Variants in LPP observed in about 807,000 individuals in gnomAD.
LPP encodes LIM domain containing preferred translocation partner in lipoma.
Under a neutral mutation model 60.4 loss-of-function variants are expected in LPP, and 38 were observed. The observed-to-expected ratio is 0.63, with a 90% confidence interval of 0.49 to 0.83. LPP has a LOEUF of 0.83. LPP is among the 40% of genes least tolerant of loss of function. LPP has a pLI of 0.00. For synonymous variants in LPP, 328 were observed against 290.8 expected, an observed-to-expected ratio of 1.13 and a Z score of -1.30; for missense variants, 902 against 783.6, an observed-to-expected ratio of 1.15 and a Z score of -1.80.
intron 8 of LPP, among the ~76,000 whole-genome samples, chr3:188,739,100 A>G (rs1377289286): frequency 6.6e-6 from 1 of 152,142 alleles, no homozygotes; most frequent in African/African-American, 2.4e-5. Context: ...ATGAATTAAC[A>G]TGATTGCTTG....
At chr3:188,546,156 A>G (rs1826601222) in intron 6 of LPP, among the ~76,000 whole-genome samples, 3 of 152,190 alleles carry the variant, frequency 2.0e-5, no homozygotes, top group Admixed American at 2.0e-4. Flanking sequence ...ACCAAGTTAT[A>G]AAGATGGTAA....
intron 9 of LPP, among the ~76,000 whole-genome samples, chr3:188,809,042 A>G (rs1206355407): frequency 1.3e-5 from 2 of 152,156 alleles, no homozygotes; most frequent in Non-Finnish European, 2.9e-5. Context: ...ATAGTATTCC[A>G]TGGTGTACAT....
chr3:188,800,421 AT>A (rs1283620751), intron 9 of LPP, among the ~76,000 whole-genome samples: 1 of 151,058 alleles, frequency 6.6e-6, no homozygotes, highest in Non-Finnish European at 1.5e-5. Flanking sequence ...AATTTTTTGT[AT>A]TTTTAGTAGA....
At chr3:188,802,991 A>G (rs1050987312) in intron 9 of LPP, among the ~76,000 whole-genome samples, 3 of 150,366 alleles carry the variant, frequency 2.0e-5, no homozygotes, top group Non-Finnish European at 2.9e-5. Context: ...AGTGATCACT[A>G]TCCTGACTTA....
chr3:188,446,587 C>T (rs1795283812), intron 4 of LPP, among the ~76,000 whole-genome samples: 1 of 152,014 alleles, frequency 6.6e-6, no homozygotes, highest in African/African-American at 2.4e-5. Context: ...AACTCATTTC[C>T]CCAAATTTCC....
chr3:188,856,780 G>A (rs1006316737), intron 9 of LPP, among the ~76,000 whole-genome samples: 5 of 152,134 alleles, frequency 3.3e-5, no homozygotes, highest in African/African-American at 1.2e-4. Context: ...CTGATAGTAG[G>A]AATTATGAAA....
At chr3:188,839,958 C>T (rs530813661) in intron 9 of LPP, among the ~76,000 whole-genome samples, 3 of 152,240 alleles carry the variant, frequency 2.0e-5, no homozygotes, top group African/African-American at 7.2e-5. Context: ...TTATTATCCA[C>T]AAATAATAAA....
chr3:188,513,174 T>C (rs1170558294), intron 5 of LPP, among the ~76,000 whole-genome samples: 5 of 152,206 alleles, frequency 3.3e-5, no homozygotes, highest in African/African-American at 9.7e-5. Context: ...ATGTAGAAAT[T>C]TCAAATAAAT....
chr3:188,295,158 T>C, intron 2 of LPP, among the ~76,000 whole-genome samples: 1 of 152,212 alleles, frequency 6.6e-6, no homozygotes, highest in Non-Finnish European at 1.5e-5. Context: ...TTCTCTTTGA[T>C]TAAGTATCCG....
At chr3:188,731,113 T>C (rs1329601960) in intron 8 of LPP, among the ~76,000 whole-genome samples, 1 of 152,224 alleles carries the variant, frequency 6.6e-6, no homozygotes, top group African/African-American at 2.4e-5. Flanking sequence ...TTGGACATGG[T>C]CCTCTTTGGG....
At chr3:188,380,539 G>A (rs555993064) in intron 3 of LPP, among the ~76,000 whole-genome samples, 133 of 152,308 alleles carry the variant, frequency 8.7e-4, no homozygotes, top group African/African-American at 3.0e-3. Flanking sequence ...AAGCTATCCC[G>A]AGGGTAGTTG....
At chr3:188,505,763 A>G (rs1219755967) in intron 5 of LPP, among the ~76,000 whole-genome samples, 1 of 152,148 alleles carries the variant, frequency 6.6e-6, no homozygotes, top group East Asian at 1.9e-4. Context: ...ATCCTAGTTC[A>G]TATCTTCTGG....
intron 5 of LPP, among the ~76,000 whole-genome samples, chr3:188,510,904 T>A (rs1380296164): frequency 6.6e-6 from 1 of 152,174 alleles, no homozygotes; most frequent in Admixed American, 6.5e-5. Flanking sequence ...CATTTTGCTT[T>A]TTTCTCGAAC....
At position 188,884,276 on chromosome 3, in the gene LPP, A is replaced by C; in HGVS notation, c.*9797A>C. ...TTTGGGGATATAACCAGGTCTTGCA[A>C]GTCCAGTGCTGTCTCCAAGTAGCCA... is the stretch of plus-strand genomic sequence containing the variant. On this transcript the variant is annotated 3_prime_UTR_variant, in exon 12 of 12. Coordinates refer to ENST00000617246, the MANE Select transcript of LPP (RefSeq NM_001375462.1). 4.3e-6 allele frequency: 1 copy of C among 230,284 alleles called. No individual in the cohort carries two copies. The highest frequency in any genetic ancestry group is 8.6e-6 in the Non-Finnish European group (1 of 116,206). The allele number at this position is 230,284 out of a possible 1,614,324, so 14.3% of individuals were successfully genotyped here. A position where few individuals can be genotyped will look rare whatever the true frequency, so the allele number is the denominator to read the frequency against.
At chr3:188,636,144 C>T (rs1160053766) in intron 7 of LPP, among the ~76,000 whole-genome samples, 1 of 152,202 alleles carries the variant, frequency 6.6e-6, no homozygotes, top group African/African-American at 2.4e-5. Flanking sequence ...ATCTGAGGTA[C>T]CGGGTTCATC....
rs1771088890 is a variant in LPP, at chr3:188,890,092, T to G, written c.*15613T>G. 4.7e-6 allele frequency: 1 copy of G among 214,262 alleles called. No individual in the cohort carries two copies. Among genetic ancestry groups the G allele is most frequent in the Non-Finnish European group, 9.4e-6 (1 of 106,122 alleles). 13.3% of individuals were successfully genotyped at this position (214,262 alleles called of 1,614,324 possible). On this transcript the variant is annotated 3_prime_UTR_variant, in exon 12 of 12. Transcript: ENST00000617246. The stretch of plus-strand genomic sequence containing the variant: ...ATGGAAGATAGTCTTATGTAAAGGT[T>G]AAATGGTGTTTACAAGTGGATAGAT...
intron 5 of LPP, 104 bp from the exon 6 acceptor site, chr3:188,524,561 G>A (rs896432538): frequency 5.1e-6 from 6 of 1,169,398 alleles, no homozygotes; most frequent in Non-Finnish European, 7.1e-6. Context: ...AAAAAGAGGT[G>A]CAGAAAAACT....
chr3:188,370,470 T>C (rs771585474), intron 3 of LPP, among the ~76,000 whole-genome samples: 3 of 152,176 alleles, frequency 2.0e-5, no homozygotes, highest in Non-Finnish European at 2.9e-5. Context: ...ATGATTATCA[T>C]TGAGCCTTTT....
At chr3:188,441,447 T>C (rs1793808944) in intron 4 of LPP, among the ~76,000 whole-genome samples, 1 of 151,986 alleles carries the variant, frequency 6.6e-6, no homozygotes, top group Non-Finnish European at 1.5e-5. Context: ...TGTCATCATT[T>C]AGAGGCCTTC....
Sources: allele counts gnomAD v4.1 joint callset (sites outside exome capture counted in the v4.1 genomes callset), GRCh38; gene constraint gnomAD v4.1.1; transcripts MANE v1.5; gene names NCBI Gene and HGNC (gene_info 2026-07-23, HGNC 2026-07-21).